The following FBN2 variants were observed in gnomAD, a reference collection of about 807,000 sequenced individuals.
FBN2 encodes the protein fibrillin-2.
FBN2 carries 105 observed loss-of-function variants against 355.6 expected under a neutral mutation model. The observed-to-expected ratio is 0.30, with a 90% CI of 0.25 to 0.35. The LOEUF is 0.35. Ranked by LOEUF, FBN2 falls within the 10% of genes least tolerant of loss-of-function variation. FBN2 has a pLI of 1.00. For synonymous variants in FBN2, 1,350 were observed against 1,301.2 expected (o/e 1.04, Z -0.81); for missense variants, 3,280 against 3,758.7 (o/e 0.87, Z 3.33).
At chr5:128,456,484 C>T (rs975455309) in intron 6 of FBN2, among the ~76,000 whole-genome samples, 1 of 152,154 alleles carries the variant, frequency 6.6e-6, no homozygotes, top group Admixed American at 6.5e-5. Flanking sequence ...TGCCACCCAA[C>T]TGGGTGAGAC....
chr5:128,406,434 T>C (rs557125366), intron 8 of FBN2, among the ~76,000 whole-genome samples: 31 of 152,342 alleles, frequency 2.0e-4, no homozygotes, highest in African/African-American at 7.0e-4. Flanking sequence ...TACGATTTCT[T>C]TCCTTTCCTT....
rs182327451 is a variant in FBN2, at chr5:128,481,795, A to G, written c.629-16874T>C. Among the ~76,000 whole-genome samples, 376 of 152,276 alleles carry G rather than the reference A, an allele frequency of 2.5e-3. 1 individual carries two copies. The highest frequency in any genetic ancestry group is 8.8e-3 in the African/African-American group (365 of 41,552). On this transcript the variant is annotated intron_variant, in intron 5 of 64. Transcript: ENST00000262464. Reference sequence around the variant, plus strand: ...TAGTGGAAAAAAAACACTTTACTTGAGTTTCTATAAATCTCACACATTTCA... The same window carrying G: ...TAGTGGAAAAAAAACACTTTACTTGGGTTTCTATAAATCTCACACATTTCA...
At chr5:128,291,441 T>C in intron 49 of FBN2, 88 bp downstream of exon 49, 2 of 1,448,492 alleles carry the variant, frequency 1.4e-6, no homozygotes, top group South Asian at 1.1e-5. Flanking sequence ...ATGTATTTTG[T>C]TAGGACTAAT....
At chr5:128,346,380 C>T (rs1374045216) in intron 23 of FBN2, among the ~76,000 whole-genome samples, 2 of 152,162 alleles carry the variant, frequency 1.3e-5, no homozygotes, top group African/African-American at 2.4e-5. Context: ...AGTTTGGAAA[C>T]GGTTCCTTAA....
At chr5:128,430,004 G>C (rs906419956) in intron 7 of FBN2, among the ~76,000 whole-genome samples, 13 of 152,106 alleles carry the variant, frequency 8.5e-5, no homozygotes, top group African/African-American at 2.9e-4. Flanking sequence ...CAACCTCTGA[G>C]ACTTTTTTCA....
chr5:128,523,669 A>C (rs1276917500), intron 4 of FBN2, among the ~76,000 whole-genome samples: 7 of 151,858 alleles, frequency 4.6e-5, no homozygotes, highest in African/African-American at 1.5e-4. Flanking sequence ...ACCACTCCTT[A>C]CCCAACCCAC....
At chr5:128,502,093 A>G (rs1246969454) in intron 5 of FBN2, among the ~76,000 whole-genome samples, 5 of 152,286 alleles carry the variant, frequency 3.3e-5, no homozygotes, top group African/African-American at 1.2e-4. Context: ...TTAGGAGAAG[A>G]AAGATCAGGC....
chr5:128,453,924 C>T (rs746516336), intron 6 of FBN2, among the ~76,000 whole-genome samples: 8 of 152,132 alleles, frequency 5.3e-5, no homozygotes, highest in Non-Finnish European at 8.8e-5. Context: ...CTTCCACCCT[C>T]CTGTACCTCA....
chr5:128,286,542 A>G (rs1749149609), intron 55 of FBN2, among the ~76,000 whole-genome samples, 176 bp downstream of exon 55: 1 of 152,262 alleles, frequency 6.6e-6, no homozygotes, highest in East Asian at 1.9e-4. Context: ...AAATGCCACA[A>G]TCCAGAACCT....
At chr5:128,439,331 A>G (rs921214770) in intron 7 of FBN2, among the ~76,000 whole-genome samples, 1 of 152,194 alleles carries the variant, frequency 6.6e-6, no homozygotes, top group African/African-American at 2.4e-5. Flanking sequence ...CCCTCTATAT[A>G]GGGCACTTTT....
rs1174872454 is a variant in FBN2, at chr5:128,538,168, C to G, written c.-565G>C. ...GAAGCGCGGGTAGCGGCTGCGGAGC[C>G]GGGCGGAGGTGCGCGGGGCCGGGGC... On this transcript the variant is annotated 5_prime_UTR_variant, in exon 1 of 65. Transcript: ENST00000262464. 6.5e-6 allele frequency: 1 copy of G among 154,246 alleles called. No individual in the cohort carries two copies. 9.6% of individuals were successfully genotyped at this position (154,246 alleles called of 1,614,324 possible).
intron 8 of FBN2, among the ~76,000 whole-genome samples, chr5:128,403,790 T>C (rs573326546): frequency 3.6e-4 from 54 of 151,912 alleles, no homozygotes; most frequent in Non-Finnish European, 6.9e-4. Context: ...TTAAACACAC[T>C]AGATAGATAA....
intron 5 of FBN2, among the ~76,000 whole-genome samples, chr5:128,513,981 A>C (rs1289326419): frequency 6.6e-6 from 1 of 151,850 alleles, no homozygotes; most frequent in Non-Finnish European, 1.5e-5. Flanking sequence ...TAGAGAGTGC[A>C]AGGTTATAAA....
intron 7 of FBN2, among the ~76,000 whole-genome samples, chr5:128,431,570 C>T (rs1753629485): frequency 6.6e-6 from 1 of 152,180 alleles, no homozygotes; most frequent in African/African-American, 2.4e-5. Flanking sequence ...AAAATCTATT[C>T]TTACTGTAGA....
chr5:128,303,242 C>T (rs558634698), intron 45 of FBN2, among the ~76,000 whole-genome samples, 153 bp from the exon 46 acceptor site: 41 of 151,890 alleles, frequency 2.7e-4, no homozygotes, highest in Non-Finnish European at 4.0e-4. Context: ...GTAAGAGATA[C>T]GGAAAAATCA....
chr5:128,493,813 A>G (rs1581346126), intron 5 of FBN2, among the ~76,000 whole-genome samples: 1 of 152,286 alleles, frequency 6.6e-6, no homozygotes, highest in Middle Eastern at 3.4e-3. Context: ...GACATTTCAG[A>G]GGTCGAATAA....
At chr5:128,283,517 T>A (rs979202063) in intron 55 of FBN2, among the ~76,000 whole-genome samples, 1 of 152,238 alleles carries the variant, frequency 6.6e-6, no homozygotes, top group Non-Finnish European at 1.5e-5. Context: ...TGCTGGCTAC[T>A]CTTTCTTAGT....
intron 61 of FBN2, among the ~76,000 whole-genome samples, chr5:128,273,541 C>T (rs868431629): frequency 2.0e-5 from 3 of 152,152 alleles, no homozygotes; most frequent in South Asian, 4.1e-4. Flanking sequence ...TGTACACTAC[C>T]GCAAACCATA....
intron 8 of FBN2, among the ~76,000 whole-genome samples, chr5:128,406,801 G>A (rs1025812360): frequency 6.6e-6 from 1 of 152,102 alleles, no homozygotes; most frequent in African/African-American, 2.4e-5. Context: ...AATCACAGTG[G>A]GAACTGCAGA....
Sources: gnomAD v4.1 joint callset for allele counts (sites outside exome capture counted in the v4.1 genomes callset) on GRCh38, gnomAD v4.1.1 for gene constraint, MANE v1.5 for transcripts, NCBI Gene and HGNC (gene_info 2026-07-23, HGNC 2026-07-21) for gene names.